Variants in TRPM6 observed in about 807,000 individuals in gnomAD.
TRPM6 encodes the protein transient receptor potential cation channel subfamily M member 6.
TRPM6 carries 111 observed loss-of-function variants against 247.6 expected under a neutral mutation model. That is an observed-to-expected ratio of 0.45 (90% confidence interval 0.38 to 0.52). TRPM6 has a LOEUF of 0.52. TRPM6 is among the 20% of genes least tolerant of loss of function. The pLI is 0.00. For synonymous variants in TRPM6, 892 were observed against 853.8 expected, an observed-to-expected ratio of 1.04 and a Z score of -0.78; for missense variants, 2,126 against 2,421.5, an observed-to-expected ratio of 0.88 and a Z score of 2.56.
intron 5 of TRPM6, among the ~76,000 whole-genome samples, chr9:74,836,534 T>C (rs1829727058): frequency 6.6e-6 from 1 of 152,190 alleles, no homozygotes; most frequent in South Asian, 2.1e-4. Context: ...TCTGATTCCA[T>C]GGTTTGGCAT....
At chr9:74,814,080 G>C (rs901578985) in intron 11 of TRPM6, among the ~76,000 whole-genome samples, 2 of 152,208 alleles carry the variant, frequency 1.3e-5, no homozygotes, top group African/African-American at 4.8e-5. Flanking sequence ...CTGGGCCACA[G>C]AGTGAGACTC....
intron 25 of TRPM6, 78 bp from the exon 26 acceptor site, chr9:74,763,212 T>A (rs754884674): frequency 3.6e-5 from 51 of 1,410,180 alleles, no homozygotes; most frequent in Non-Finnish European, 4.5e-5. Context: ...CCTACTTCCA[T>A]CCTTAAATGG....
chr9:74,855,784 A>G (rs1830504907), intron 2 of TRPM6, among the ~76,000 whole-genome samples: 1 of 152,130 alleles, frequency 6.6e-6, no homozygotes, highest in Non-Finnish European at 1.5e-5. Flanking sequence ...GAACCAAAAT[A>G]CCTCAATTTA....
chr9:74,762,491 C>T lies in TRPM6; in HGVS notation c.4180G>A (p.Val1394Ile), dbSNP rs200281709. The change falls in exon 26 of 39, where the codon GTC becomes ATC. Residue 1394 changes from valine (V) to isoleucine (I), a missense_variant. Physicochemically the swap from Val to Ile is conservative, Grantham distance 29. This residue lies in a region of TRPM6 where 717 missense variants were observed against 715.9 expected (regional missense o/e 1.00). Transcript: ENST00000360774. Reference protein sequence around the residue: ...LVHLTGQTPVVSDWASVDEPK... With the variant: ...LVHLTGQTPVISDWASVDEPK... ...TCATCCACTGATGCCCAGTCAGAGA[C>T]AACTGGGGTCTGCCCAGTCAGATGA... 3 of 1,614,052 alleles carry T rather than the reference C, an allele frequency of 1.9e-6. No individual in the cohort carries two copies. Among genetic ancestry groups the T allele is most frequent in the Non-Finnish European group, 2.5e-6 (3 of 1,180,038 alleles).
intron 34 of TRPM6, 126 bp from the exon 35 acceptor site, chr9:74,739,575 A>G: frequency 6.6e-7 from 1 of 1,507,414 alleles, no homozygotes; most frequent in Non-Finnish European, 9.2e-7. Context: ...CCTGCCCCAA[A>G]AGCAAAAGTC....
At chr9:74,840,586 G>C (rs374574159) in intron 4 of TRPM6, among the ~76,000 whole-genome samples, 15 of 152,192 alleles carry the variant, frequency 9.9e-5, no homozygotes, top group South Asian at 6.2e-4. Context: ...AGGCCGAGGT[G>C]GGCGGAACAC....
intron 36 of TRPM6, chr9:74,737,536 TA>T (rs1825734446): frequency 1.5e-6 from 1 of 687,248 alleles, no homozygotes; most frequent in Non-Finnish European, 2.2e-6. Flanking sequence ...ATGAAACTCT[TA>T]AAAGAAATAA....
intron 1 of TRPM6, 28 bp downstream of exon 1, chr9:74,887,796 C>T (rs1448177704): frequency 1.2e-5 from 19 of 1,614,006 alleles, no homozygotes; most frequent in Admixed American, 1.7e-5. Flanking sequence ...GGTCCTTGTT[C>T]CCCGCCAGTC....
chr9:74,845,182 A>C (rs183130043), intron 3 of TRPM6, among the ~76,000 whole-genome samples: 85 of 152,350 alleles, frequency 5.6e-4, no homozygotes, highest in African/African-American at 1.6e-3. Context: ...ATGCAGAGAC[A>C]AGAAATGAAC....
At chr9:74,787,470 G>A (rs1214743453) in intron 20 of TRPM6, among the ~76,000 whole-genome samples, 3 of 151,684 alleles carry the variant, frequency 2.0e-5, no homozygotes, top group African/African-American at 7.3e-5. Context: ...TTAAAAAAAA[G>A]GGTACAATTC....
intron 36 of TRPM6, among the ~76,000 whole-genome samples, chr9:74,736,806 A>G (rs1446744580): frequency 1.3e-5 from 2 of 152,232 alleles, no homozygotes; most frequent in African/African-American, 2.4e-5. Context: ...AAGACTGTCA[A>G]CGCAGCATTT....
intron 24 of TRPM6, among the ~76,000 whole-genome samples, chr9:74,774,284 T>C (rs1003770188): frequency 3.3e-5 from 5 of 152,144 alleles, no homozygotes; most frequent in African/African-American, 1.2e-4. Flanking sequence ...TCTGGGCAAA[T>C]CCTAGTCAAT....
intron 33 of TRPM6, 55 bp downstream of exon 33, chr9:74,742,506 C>G: frequency 2.6e-6 from 4 of 1,540,858 alleles, no homozygotes; most frequent in Non-Finnish European, 3.6e-6. Context: ...TTGATTCACT[C>G]AGATTTTATG....
intron 34 of TRPM6, 68 bp from the exon 35 acceptor site, chr9:74,739,517 A>G: frequency 1.3e-6 from 2 of 1,545,928 alleles, no homozygotes; most frequent in Non-Finnish European, 1.8e-6. Flanking sequence ...TGAAATTACT[A>G]TAGGCTACCC....
chr9:74,790,661 C>A (rs557143274), intron 19 of TRPM6, among the ~76,000 whole-genome samples: 9 of 152,282 alleles, frequency 5.9e-5, no homozygotes, highest in African/African-American at 1.9e-4. Context: ...TTAAAGACAG[C>A]AGTTAGGTCT....
chr9:74,776,275 C>T, intron 23 of TRPM6, 199 bp from the exon 24 acceptor site: 1 of 552,800 alleles, frequency 1.8e-6, no homozygotes, highest in Non-Finnish European at 3.3e-6. Flanking sequence ...ACATGCTAAT[C>T]AGAATAACAA....
chr9:74,799,527 CTCA>C (rs1172443672), intron 17 of TRPM6, among the ~76,000 whole-genome samples: 8 of 140,246 alleles, frequency 5.7e-5, no homozygotes, highest in African/African-American at 2.3e-4. Flanking sequence ...CACTTATTCT[CTCA>C]AAAAAAAACA....
chr9:74,743,367 T>C (rs1825925323), intron 32 of TRPM6, among the ~76,000 whole-genome samples: 1 of 152,234 alleles, frequency 6.6e-6, no homozygotes, highest in Non-Finnish European at 1.5e-5. Flanking sequence ...CTCTTACTCA[T>C]GTATTGAGCT....
At chr9:74,761,906 G>A in intron 26 of TRPM6, 93 bp downstream of exon 26, 1 of 1,501,698 alleles carries the variant, frequency 6.7e-7, no homozygotes, top group Non-Finnish European at 9.3e-7. Context: ...ATGACAATGT[G>A]GTTAAGAGTC....
Sources: allele counts gnomAD v4.1 joint callset (sites outside exome capture counted in the v4.1 genomes callset), GRCh38; gene constraint gnomAD v4.1.1; regional missense constraint gnomAD v4.1.1; transcripts MANE v1.5; gene names NCBI Gene and HGNC (gene_info 2026-07-23, HGNC 2026-07-21).